The following APOL5 variants were observed in gnomAD, a reference collection of about 807,000 sequenced individuals.
APOL5 encodes the protein apolipoprotein L, 5.
In APOL5, 29 loss-of-function variants were observed where a neutral mutation model predicts 35.5. The ratio of observed to expected loss-of-function variants is 0.82; its 90% CI spans 0.61 to 1.11. APOL5 has a LOEUF of 1.11. APOL5 is among the 50% of genes most tolerant of loss of function. The pLI is 0.00. For missense variants in APOL5, 514 were observed against 530.4 expected, an observed-to-expected ratio of 0.97 and a Z score of 0.30; for synonymous variants, 188 against 200.2, an observed-to-expected ratio of 0.94 and a Z score of 0.51.
chr22:35,716,852 C>A (rs908171014), upstream of APOL5, among the ~76,000 whole-genome samples: 1 of 152,030 alleles, frequency 6.6e-6, no homozygotes, highest in African/African-American at 2.4e-5. Context: ...CATAGATTTG[C>A]CTCGTTCCTT....
At chr22:35,711,701 G>A in the APOL5 span, among the ~76,000 whole-genome samples, 1 of 116,056 alleles carries the variant, frequency 8.6e-6, no homozygotes, top group Non-Finnish European at 1.8e-5. Flanking sequence ...CCCTCACGGA[G>A]TTTTGCTCTT....
chr22:35,711,245 A>T, the APOL5 span, among the ~76,000 whole-genome samples: 1 of 152,212 alleles, frequency 6.6e-6, no homozygotes, highest in Non-Finnish European at 1.5e-5. Context: ...ATAATAGTTC[A>T]TGATGTGTAT....
chr22:35,711,897 A>G, the APOL5 span, among the ~76,000 whole-genome samples: 1 of 151,130 alleles, frequency 6.6e-6, no homozygotes, highest in Non-Finnish European at 1.5e-5. Flanking sequence ...CTGGTTTTGA[A>G]CTCCTGACCT....
At chr22:35,708,619 G>C in the APOL5 span, among the ~76,000 whole-genome samples, 2 of 152,162 alleles carry the variant, frequency 1.3e-5, no homozygotes, top group Non-Finnish European at 2.9e-5. Flanking sequence ...ATTAAAAAGG[G>C]GGGAAGGGGC....
intron 2 of APOL5, among the ~76,000 whole-genome samples, chr22:35,722,549 C>T (rs1465207287): frequency 1.3e-5 from 2 of 152,178 alleles, no homozygotes; most frequent in African/African-American, 4.8e-5. Flanking sequence ...GATTTGGCTG[C>T]CTAGGCCTCC....
In APOL5 at chr22:35,727,039, A is replaced by G. The variant is rs1219235009; in HGVS notation, c.971A>G (p.Glu324Gly). ...CACCTGGAGGATGGGGCAAGGACGG[A>G]GACAGCAGAGGAACTGAGAGCACTT... is the stretch of plus-strand genomic sequence containing the variant. ...WKHLEDGART[E>G]TAEELRALAK... Residue 324 changes from glutamate to glycine, a missense_variant, in exon 3 of 5, where the codon GAG becomes GGG. Physicochemically the swap from Glu to Gly is moderately conservative, Grantham distance 98. This residue lies in a region of APOL5 where 238 missense variants were observed against 229.1 expected (regional missense o/e 1.04). Transcript: ENST00000249044. 3 of 1,614,014 alleles carry G rather than the reference A, an allele frequency of 1.9e-6. No homozygotes were observed. Among genetic ancestry groups the G allele is most frequent in the Non-Finnish European group, 1.7e-6 (2 of 1,180,022 alleles).
At chr22:35,725,730 G>A (rs930714347) in intron 2 of APOL5, among the ~76,000 whole-genome samples, 4 of 152,170 alleles carry the variant, frequency 2.6e-5, no homozygotes, top group African/African-American at 9.7e-5. Context: ...TCTGGGTGGC[G>A]ACAGCTGAGC....
Position 35,720,265 on chromosome 22 carries a change from A to G in APOL5, c.56-303A>G, listed in dbSNP as rs758739457. Among the ~76,000 whole-genome samples the G allele has an allele frequency of 1.3e-3, 195 of 152,230 alleles. 2 individuals carry two copies. Among genetic ancestry groups the G allele is most frequent in the Non-Finnish European group, 2.3e-3 (159 of 68,046 alleles). ...GCACTTCCCTGCCTGCTCCCATATC[A>G]TTAACGTATAACGTCAACATTTCAA... On this transcript the variant is annotated intron_variant, in intron 1 of 4. Coordinates refer to ENST00000249044, the MANE Select transcript of APOL5 (RefSeq NM_030642.1).
At position 35,726,697 on chromosome 22, in the gene APOL5, C is replaced by G. The variant is rs761564158; in HGVS notation, c.629C>G (p.Thr210Arg). 1 of 1,614,228 alleles carries G rather than the reference C, an allele frequency of 6.2e-7. No individual in the cohort carries two copies. Among genetic ancestry groups the G allele is most frequent in the Non-Finnish European group, 8.5e-7 (1 of 1,180,040 alleles). The change falls in exon 3 of 5, where the codon ACA becomes AGA. Residue 210 changes from threonine (T) to arginine (R), a missense_variant. By Grantham distance (71) the Thr-to-Arg change is moderately conservative. This residue lies in a region of APOL5 where 254 missense variants were observed against 254.7 expected (regional missense o/e 1.00). Transcript: ENST00000249044. ...DKASRLGPLTTSHEAFGGINW... is the reference protein window; with the variant it reads ...DKASRLGPLTRSHEAFGGINW... ...GCCAGCCGACTGGGGCCTCTGACAA[C>G]ATCACATGAGGCTTTCGGAGGAATA...
intron 1 of APOL5, among the ~76,000 whole-genome samples, 163 bp downstream of exon 1, chr22:35,718,089 C>A (rs1255352896): frequency 6.6e-6 from 1 of 152,204 alleles, no homozygotes; most frequent in Non-Finnish European, 1.5e-5. Context: ...ATCATGAGAC[C>A]CTCTCAATTG....
intron 2 of APOL5, among the ~76,000 whole-genome samples, chr22:35,723,108 G>A (rs1927031133): frequency 6.6e-6 from 1 of 152,198 alleles, no homozygotes; most frequent in South Asian, 2.1e-4. Flanking sequence ...TGAGGCTGCT[G>A]ATGGCCTTGG....
the APOL5 span, among the ~76,000 whole-genome samples, chr22:35,711,545 C>T: frequency 6.7e-6 from 1 of 150,092 alleles, no homozygotes; most frequent in African/African-American, 2.5e-5. Flanking sequence ...TTTCCACTCC[C>T]ACCGGCAATT....
At chr22:35,715,533 C>G (rs1261925623), upstream of APOL5, among the ~76,000 whole-genome samples, 2 of 152,180 alleles carry the variant, frequency 1.3e-5, no homozygotes, top group Non-Finnish European at 2.9e-5. Flanking sequence ...ATAATCCCAG[C>G]TACTCGGGAG....
chr22:35,708,464 G>T, the APOL5 span, among the ~76,000 whole-genome samples: 93 of 151,900 alleles, frequency 6.1e-4, no homozygotes, highest in Non-Finnish European at 1.1e-3. Flanking sequence ...GGAATTCCAG[G>T]CCCTGTCCTG....
intron 2 of APOL5, among the ~76,000 whole-genome samples, chr22:35,722,290 G>T (rs1926999189): frequency 6.6e-6 from 1 of 152,156 alleles, no homozygotes; most frequent in African/African-American, 2.4e-5. Context: ...GGGAAAATCA[G>T]CCAGTGGTTG....
chr22:35,723,415 A>G (rs995230034), intron 2 of APOL5, among the ~76,000 whole-genome samples: 1 of 152,230 alleles, frequency 6.6e-6, no homozygotes, highest in Admixed American at 6.5e-5. Flanking sequence ...GGTACTTAAG[A>G]ACAGTGATTC....
At chr22:35,726,110 T>C (rs919880423) in intron 2 of APOL5, 101 bp from the exon 3 acceptor site, 5 of 1,371,324 alleles carry the variant, frequency 3.6e-6, no homozygotes, top group Non-Finnish European at 5.0e-6. Flanking sequence ...ATTTCCCCAC[T>C]GTTAGAATTT....
At chr22:35,709,021 T>C in the APOL5 span, among the ~76,000 whole-genome samples, 11 of 152,282 alleles carry the variant, frequency 7.2e-5, no homozygotes, top group East Asian at 1.7e-3. Context: ...CTATTTTGAG[T>C]GGTACATGAG....
upstream of APOL5, among the ~76,000 whole-genome samples, chr22:35,714,841 C>T (rs1248172263): frequency 6.6e-6 from 1 of 152,226 alleles, no homozygotes; most frequent in Non-Finnish European, 1.5e-5. Context: ...GCCACAGCCT[C>T]CACTGAAGGT....
Sources: gnomAD v4.1 joint callset for allele counts (sites outside exome capture counted in the v4.1 genomes callset) on GRCh38, gnomAD v4.1.1 for gene constraint, gnomAD v4.1.1 regional missense constraint, MANE v1.5 for transcripts, NCBI Gene and HGNC (gene_info 2026-07-23, HGNC 2026-07-21) for gene names.